Variants in SERPINB8 observed in about 807,000 individuals in gnomAD.
The protein encoded by SERPINB8 is serpin B8.
A neutral mutation model predicts 35.3 loss-of-function variants in SERPINB8; 25 were observed. The observed-to-expected ratio is 0.71, with a 90% CI of 0.52 to 0.99. SERPINB8 has a LOEUF of 0.99. Ranked by LOEUF, SERPINB8 falls within the 50% of genes least tolerant of loss-of-function variation. The pLI, the probability that SERPINB8 is intolerant of heterozygous loss-of-function variation, is 0.00. For missense variants in SERPINB8, 484 were observed against 446.5 expected, an observed-to-expected ratio of 1.08 and a Z score of -0.76; for synonymous variants, 186 against 160.8, an observed-to-expected ratio of 1.16 and a Z score of -1.19.
chr18:63,994,414 A>C (rs1444385102), intron 1 of SERPINB8, among the ~76,000 whole-genome samples: 2 of 152,038 alleles, frequency 1.3e-5, no homozygotes, highest in African/African-American at 4.8e-5. Flanking sequence ...GGAAAAACAA[A>C]AAGCCTAAAA....
At chr18:63,982,644 C>G (rs901890400) in intron 4 of SERPINB8, among the ~76,000 whole-genome samples, 2 of 152,116 alleles carry the variant, frequency 1.3e-5, no homozygotes, top group South Asian at 4.1e-4. Context: ...AAGGGAAGAG[C>G]CTTTTGTGTT....
At chr18:64,016,509 A>T (rs1356811004) in intron 7 of SERPINB8, among the ~76,000 whole-genome samples, 4 of 152,188 alleles carry the variant, frequency 2.6e-5, no homozygotes, top group Non-Finnish European at 4.4e-5. Flanking sequence ...AGGAAGAGAT[A>T]AACTTTTTTA....
At chr18:64,017,359 C>T (rs1337243360) in intron 7 of SERPINB8, among the ~76,000 whole-genome samples, 2 of 152,110 alleles carry the variant, frequency 1.3e-5, no homozygotes, top group African/African-American at 4.8e-5. Context: ...GATTCTAAAA[C>T]AAGCGTTTCC....
downstream of SERPINB8, among the ~76,000 whole-genome samples, chr18:63,993,926 C>T (rs2050836374): frequency 6.6e-6 from 1 of 152,168 alleles, no homozygotes; most frequent in Admixed American, 6.5e-5. Context: ...ATGAGGGGAG[C>T]AGAGGCCTTC....
chr18:63,989,373 T>C lies in SERPINB8; in HGVS notation c.*2095T>C, dbSNP rs1363096380. ...AAGTTTTTATGAATATTTATATATA[T>C]ACATCTTTGTATGGACATATGTCTT... On this transcript the variant is annotated 3_prime_UTR_variant, in exon 7 of 7. Transcript: ENST00000397985. 6.6e-6 allele frequency: 1 copy of C among 152,258 alleles called. No homozygotes were observed. Among genetic ancestry groups the C allele is most frequent in the African/African-American group, 2.4e-5 (1 of 41,472 alleles). The allele number at this position is 152,258 out of a possible 1,614,324, so 9.4% of individuals were successfully genotyped here. A position where few individuals can be genotyped will look rare whatever the true frequency, so the allele number is the denominator to read the frequency against.
downstream of SERPINB8, among the ~76,000 whole-genome samples, chr18:64,010,249 A>G (rs2050919961): frequency 6.6e-6 from 1 of 152,208 alleles, no homozygotes; most frequent in African/African-American, 2.4e-5. Context: ...TCTAAATTTT[A>G]AAAGTCTGTT....
chr18:63,972,961 G>T (rs1474932978), intron 1 of SERPINB8, among the ~76,000 whole-genome samples: 1 of 152,226 alleles, frequency 6.6e-6, no homozygotes, highest in Non-Finnish European at 1.5e-5. Context: ...ACATGTGCAT[G>T]TGTCTTTGTA....
At chr18:63,979,664 C>A in intron 2 of SERPINB8, 137 bp from the exon 3 acceptor site, 1 of 987,204 alleles carries the variant, frequency 1.0e-6, no homozygotes, top group Non-Finnish European at 1.5e-6. Flanking sequence ...TTGAGAAACC[C>A]TGTGCTAGAC....
In SERPINB8 at chr18:64,017,176, G is replaced by A. The variant is rs187207409; in HGVS notation, c.*3-1734G>A. Reference sequence around the variant, plus strand: ...ACAGTTATATCACACTCCATTTTTCGGTGACGTGAGGACATTTGAGCAGAA... The same window carrying A: ...ACAGTTATATCACACTCCATTTTTCAGTGACGTGAGGACATTTGAGCAGAA... On this transcript the variant is annotated intron_variant, in intron 7 of 7. Transcript: ENST00000636430. 1.1e-4 allele frequency among the ~76,000 whole-genome samples: 16 copies of A among 152,052 alleles called. No individual in the cohort carries two copies. The East Asian group carries it at 1.9e-3, about 18-fold the overall frequency.
intron 1 of SERPINB8, among the ~76,000 whole-genome samples, chr18:64,000,107 G>A (rs1416941322): frequency 6.6e-6 from 1 of 152,226 alleles, no homozygotes; most frequent in Non-Finnish European, 1.5e-5. Flanking sequence ...ACCTCGTGGT[G>A]CACCTGGATC....
chr18:63,984,881 T>G (rs560656690), intron 5 of SERPINB8, among the ~76,000 whole-genome samples: 1 of 29,394 alleles, frequency 3.4e-5, no homozygotes, highest in African/African-American at 3.2e-4. Context: ...TACCAAACTG[T>G]TTTTTTTTTC....
At chr18:63,974,757 A>G (rs7229716) in intron 1 of SERPINB8, among the ~76,000 whole-genome samples, 42,917 of 152,016 alleles carry the variant, frequency 0.28, 7,492 homozygotes, top group African/African-American at 0.5. Flanking sequence ...TGAGATTGGA[A>G]CACCAGGAAG....
intron 1 of SERPINB8, among the ~76,000 whole-genome samples, chr18:63,996,289 C>G (rs185659950): frequency 6.6e-6 from 1 of 152,200 alleles, no homozygotes; most frequent in Non-Finnish European, 1.5e-5. Context: ...GTCTGGCCTG[C>G]GCACATGGCC....
intron 7 of SERPINB8, among the ~76,000 whole-genome samples, chr18:64,012,329 G>C (rs1481604031): frequency 1.3e-5 from 2 of 151,950 alleles, no homozygotes; most frequent in South Asian, 2.1e-4. Context: ...ATGAAATATG[G>C]TACAATTTAT....
At position 63,986,501 on chromosome 18, in the gene SERPINB8, T is replaced by G. The variant is rs2050756701; in HGVS notation, c.721-373T>G. ...GTTCTGAGCCATGCTCTTTGTCTTT[T>G]GTCAAACAATCTCTCCCACTCACAG... On this transcript the variant is annotated intron_variant, in intron 6 of 6. Transcript: ENST00000397985. 3.7e-6 allele frequency: 5 copies of G among 1,348,818 alleles called. No individual in the cohort carries two copies. In the East Asian group the frequency reaches 1.4e-4, roughly 38 times the overall value. 83.6% of individuals were successfully genotyped at this position (1,348,818 alleles called of 1,614,324 possible).
At chr18:63,992,810 C>T (rs1309528567), downstream of SERPINB8, among the ~76,000 whole-genome samples, 4 of 152,124 alleles carry the variant, frequency 2.6e-5, no homozygotes, top group South Asian at 2.1e-4. Context: ...TTCAGTCCTC[C>T]GTATTTATTA....
At chr18:63,996,914 G>C (rs898701311) in intron 1 of SERPINB8, among the ~76,000 whole-genome samples, 3 of 152,180 alleles carry the variant, frequency 2.0e-5, no homozygotes, top group Non-Finnish European at 2.9e-5. Context: ...ATTTTGATGG[G>C]ACCCAACTAA....
chr18:64,016,097 A>G (rs1292387202), intron 7 of SERPINB8, among the ~76,000 whole-genome samples: 1 of 152,222 alleles, frequency 6.6e-6, no homozygotes, highest in Non-Finnish European at 1.5e-5. Context: ...CTTCCCAGAA[A>G]GAGGGCTGGG....
intron 1 of SERPINB8, among the ~76,000 whole-genome samples, chr18:63,977,708 G>A (rs745763309): frequency 4.6e-5 from 7 of 152,196 alleles, no homozygotes; most frequent in Non-Finnish European, 1.0e-4. Flanking sequence ...CTGTTGCTAA[G>A]AGGGATACAA....
Sources: allele counts gnomAD v4.1 joint callset (sites outside exome capture counted in the v4.1 genomes callset), GRCh38; gene constraint gnomAD v4.1.1; transcripts MANE v1.5; gene names NCBI Gene and HGNC (gene_info 2026-07-23, HGNC 2026-07-21).